Variants in MCF2L2 observed in about 807,000 individuals in gnomAD.
MCF2L2 encodes probable guanine nucleotide exchange factor MCF2L2.
A neutral mutation model predicts 150.2 loss-of-function variants in MCF2L2; 102 were observed. The observed-to-expected ratio is 0.68, with a 90% CI of 0.58 to 0.80. MCF2L2 has a LOEUF of 0.80. MCF2L2 is among the 30% of genes least tolerant of loss of function. The pLI is 0.00. For missense variants in MCF2L2, 1,256 were observed against 1,372.8 expected (o/e 0.91, Z 1.34); for synonymous variants, 465 against 491.3 (o/e 0.95, Z 0.71).
chr3:183,239,300 A>G (rs2108680479), intron 15 of MCF2L2, among the ~76,000 whole-genome samples: 1 of 152,216 alleles, frequency 6.6e-6, no homozygotes, highest in South Asian at 2.1e-4. Context: ...TTAAAGGGGA[A>G]ATGGAGGTAT....
chr3:183,412,720 A>T (rs1347344146), intron 1 of MCF2L2, among the ~76,000 whole-genome samples: 7 of 151,202 alleles, frequency 4.6e-5, no homozygotes, highest in Admixed American at 4.0e-4. Context: ...TTTTATTTTT[A>T]TTTTTTTTCC....
At chr3:183,323,375 AC>A in intron 5 of MCF2L2, 24 bp from the exon 6 acceptor site, 1 of 1,255,810 alleles carries the variant, frequency 8.0e-7, no homozygotes, top group Non-Finnish European at 1.2e-6. Context: ...ATTTAATTAA[AC>A]ATACTCCTCA....
intron 21 of MCF2L2, among the ~76,000 whole-genome samples, chr3:183,216,576 ATATATTTTTTTTTTTTTTTTTTTTTTTT>A (rs1483871084): frequency 7.5e-5 from 2 of 26,528 alleles, no homozygotes; most frequent in Non-Finnish European, 1.2e-4. Context: ...ATATATATAT[ATATATTTTTTTTTTTTTTTTTTTTTTTT>A]TTTTTTTTTT....
chr3:183,406,161 C>A (rs1715028809), intron 1 of MCF2L2, among the ~76,000 whole-genome samples: 1 of 152,172 alleles, frequency 6.6e-6, no homozygotes, highest in African/African-American at 2.4e-5. Flanking sequence ...TAAGACACTG[C>A]CAACTGTTTT....
intron 19 of MCF2L2, among the ~76,000 whole-genome samples, chr3:183,223,813 C>T (rs534255074): frequency 2.6e-5 from 4 of 152,258 alleles, no homozygotes; most frequent in East Asian, 3.9e-4. Context: ...AGGATACAGA[C>T]GGTTTGTAGA....
intron 1 of MCF2L2, among the ~76,000 whole-genome samples, chr3:183,422,920 C>T (rs1284887878): frequency 6.6e-6 from 1 of 152,216 alleles, no homozygotes; most frequent in East Asian, 1.9e-4. Context: ...GGAACTCCAA[C>T]TCCACAACTG....
At chr3:183,385,970 CAAAT>C (rs1481661225) in intron 2 of MCF2L2, among the ~76,000 whole-genome samples, 4 of 152,156 alleles carry the variant, frequency 2.6e-5, no homozygotes, top group Admixed American at 2.0e-4. Context: ...CAAGAGTTGA[CAAAT>C]AAGAAGAAAA....
chr3:183,415,167 T>C (rs1389493745), intron 1 of MCF2L2, among the ~76,000 whole-genome samples: 1 of 151,938 alleles, frequency 6.6e-6, no homozygotes, highest in African/African-American at 2.4e-5. Context: ...TTTCCAACTA[T>C]TATGTTTAAT....
At chr3:183,272,422 C>G (rs1726856516) in intron 15 of MCF2L2, 1 of 1,000,084 alleles carries the variant, frequency 1.0e-6, no homozygotes, top group Admixed American at 6.1e-5. Flanking sequence ...ATGTCGGAAA[C>G]ACGCAAAACA....
intron 2 of MCF2L2, among the ~76,000 whole-genome samples, chr3:183,388,352 G>GGCCAGA (rs11280799): frequency 6.6e-6 from 1 of 151,572 alleles, no homozygotes; most frequent in Non-Finnish European, 1.5e-5. Context: ...TCTGTGGTAG[G>GGCCAGA]GCAACAGTTT....
chr3:183,292,172 A>C (rs1215968873), intron 13 of MCF2L2, among the ~76,000 whole-genome samples: 1 of 152,208 alleles, frequency 6.6e-6, no homozygotes, highest in South Asian at 2.1e-4. Context: ...AGTAGGATAC[A>C]TGGTGGAAGA....
intron 1 of MCF2L2, among the ~76,000 whole-genome samples, chr3:183,416,722 A>G (rs1035932437): frequency 6.6e-6 from 1 of 152,184 alleles, no homozygotes; most frequent in Non-Finnish European, 1.5e-5. Flanking sequence ...TCAAAGAAAT[A>G]AAAAACAATA....
chr3:183,401,165 T>C (rs1714734527), intron 1 of MCF2L2, among the ~76,000 whole-genome samples: 1 of 152,188 alleles, frequency 6.6e-6, no homozygotes, highest in South Asian at 2.1e-4. Flanking sequence ...GAGTTCACCT[T>C]TCAAACTGCC....
At chr3:183,320,892 C>A (rs946840110) in intron 6 of MCF2L2, among the ~76,000 whole-genome samples, 2 of 152,158 alleles carry the variant, frequency 1.3e-5, no homozygotes, top group African/African-American at 4.8e-5. Flanking sequence ...ACAGGCCATT[C>A]TTCCTTTCAC....
At chr3:183,426,175 A>C (rs1716154884) in intron 1 of MCF2L2, among the ~76,000 whole-genome samples, 1 of 152,278 alleles carries the variant, frequency 6.6e-6, no homozygotes, top group African/African-American at 2.4e-5. Context: ...CTATAGAAGG[A>C]GGGAGGGAGC....
At chr3:183,300,336 G>T (rs1266911134) in intron 10 of MCF2L2, 140 bp from the exon 11 acceptor site, 2 of 747,986 alleles carry the variant, frequency 2.7e-6, no homozygotes, top group Non-Finnish European at 4.1e-6. Flanking sequence ...ACCTGAGAAA[G>T]CTCGGAATGG....
At position 183,216,570 on chromosome 3, in the gene MCF2L2, ATATATATATATTTTTTTTTTTTTTTTTTT is replaced by A. The variant is rs1221071854; in HGVS notation, c.2371-505_2371-477del. 1.0e-3 allele frequency among the ~76,000 whole-genome samples: 28 copies of A among 26,978 alleles called. 2 individuals are homozygous for A. The South Asian group carries it at 0.025, about 24-fold the overall frequency. 17.7% of individuals were successfully genotyped at this position (26,978 alleles called of 152,430 possible). A position where few individuals can be genotyped will look rare whatever the true frequency, so the allele number is the denominator to read the frequency against. On this transcript the variant is annotated intron_variant, in intron 21 of 29. Coordinates refer to ENST00000328913, the MANE Select transcript of MCF2L2 (RefSeq NM_015078.4). Reference sequence around the variant, plus strand: ...ATATATATTATATATATATATATATATATATATATATTTTTTTTTTTTTTTTTTTTTTTTTTTTTTTTTTTTGAGAGCGA... The same window carrying A: ...ATATATATTATATATATATATATATATTTTTTTTTTTTTTTTTGAGAGCGA...
At chr3:183,404,220 A>G (rs1714919032) in intron 1 of MCF2L2, among the ~76,000 whole-genome samples, 1 of 152,224 alleles carries the variant, frequency 6.6e-6, no homozygotes, top group African/African-American at 2.4e-5. Context: ...ATTAGAGTTC[A>G]CTCATAATTT....
intron 1 of MCF2L2, among the ~76,000 whole-genome samples, chr3:183,397,886 T>C (rs888656270): frequency 7.2e-5 from 11 of 152,124 alleles, no homozygotes; most frequent in Non-Finnish European, 1.3e-4. Context: ...ATTGGTTAAA[T>C]AAATGATGAT....
Sources: gnomAD v4.1 joint callset for allele counts (sites outside exome capture counted in the v4.1 genomes callset) on GRCh38, gnomAD v4.1.1 for gene constraint, MANE v1.5 for transcripts, NCBI Gene and HGNC (gene_info 2026-07-23, HGNC 2026-07-21) for gene names.